The following TMEM123 variants were observed in gnomAD, a reference collection of about 807,000 sequenced individuals.
TMEM123 encodes the protein porimin.
TMEM123 carries 16 observed loss-of-function variants against 19.7 expected under a neutral mutation model. The ratio of observed to expected loss-of-function variants is 0.81; its 90% CI spans 0.55 to 1.23. TMEM123 has a LOEUF of 1.23. TMEM123 is among the 50% of genes most tolerant of loss of function. TMEM123 has a pLI of 0.00. For missense variants in TMEM123, 313 were observed against 257.8 expected (o/e 1.21, Z -1.47); for synonymous variants, 118 against 99.4 (o/e 1.19, Z -1.12).
At chr11:102,426,190 T>C (rs1326936971) in intron 2 of TMEM123, among the ~76,000 whole-genome samples, 1 of 152,214 alleles carries the variant, frequency 6.6e-6, no homozygotes, top group Non-Finnish European at 1.5e-5. Flanking sequence ...TTTGGCAGCT[T>C]TGCTTTTGAG....
intron 2 of TMEM123, among the ~76,000 whole-genome samples, chr11:102,437,680 GAGAGTGCACAGT>G (rs1251390548): frequency 6.6e-6 from 1 of 152,128 alleles, no homozygotes; most frequent in African/African-American, 2.4e-5. Context: ...CAGGGTGTAT[GAGAGTGCACAGT>G]GGTTTAGAAT....
At chr11:102,434,654 G>T (rs555972526) in intron 2 of TMEM123, among the ~76,000 whole-genome samples, 2 of 151,728 alleles carry the variant, frequency 1.3e-5, no homozygotes, top group Non-Finnish European at 1.5e-5. Context: ...AAATATCATT[G>T]CCCAGACCAA....
At chr11:102,425,496 T>C (rs1163458159) in intron 2 of TMEM123, among the ~76,000 whole-genome samples, 1 of 152,038 alleles carries the variant, frequency 6.6e-6, no homozygotes, top group Non-Finnish European at 1.5e-5. Context: ...TGTCTGTTTT[T>C]CGTTTGTCCA....
chr11:102,399,848 T>C (rs1251206673), intron 4 of TMEM123, among the ~76,000 whole-genome samples: 2 of 151,872 alleles, frequency 1.3e-5, no homozygotes, highest in Non-Finnish European at 2.9e-5. Context: ...TAGGCACCTA[T>C]AATCCCAGCT....
intron 4 of TMEM123, among the ~76,000 whole-genome samples, chr11:102,400,649 T>G (rs1951904485): frequency 6.6e-6 from 1 of 152,212 alleles, no homozygotes. Flanking sequence ...AGTGGGGCCT[T>G]GGGAAGGTAG....
At chr11:102,402,424 T>C (rs1478825010) in intron 2 of TMEM123, among the ~76,000 whole-genome samples, 11 of 151,386 alleles carry the variant, frequency 7.3e-5, no homozygotes, top group South Asian at 2.1e-4. Flanking sequence ...TATATAAAGT[T>C]AGAAATTTTG....
intron 2 of TMEM123, among the ~76,000 whole-genome samples, 183 bp from the exon 3 acceptor site, chr11:102,402,389 A>C (rs1308191565): frequency 1.3e-5 from 2 of 152,052 alleles, no homozygotes; most frequent in Non-Finnish European, 2.9e-5. Flanking sequence ...CTAGTAAAAG[A>C]CTCAACAGAA....
chr11:102,426,860 C>CCTG (rs1024188780), intron 2 of TMEM123, among the ~76,000 whole-genome samples: 1 of 7,202 alleles, frequency 1.4e-4, no homozygotes, highest in African/African-American at 4.2e-4. Context: ...TAAAGTAGTT[C>CCTG]CCCCCCCCCC....
intron 1 of TMEM123, 71 bp downstream of exon 1, chr11:102,452,453 A>G (rs140260677): frequency 0.014 from 18,658 of 1,299,224 alleles, 189 homozygotes; most frequent in South Asian, 0.024. Flanking sequence ...CCAGAGCCCA[A>G]CTTGGGAACC....
intron 3 of TMEM123, 57 bp from the exon 4 acceptor site, chr11:102,401,749 G>A (rs1951915303): frequency 6.7e-7 from 1 of 1,489,820 alleles, no homozygotes. Context: ...TTTTAACATT[G>A]TAATTAAAGC....
chr11:102,446,904 CTAAA>C (rs919283219), intron 2 of TMEM123, among the ~76,000 whole-genome samples: 13 of 152,214 alleles, frequency 8.5e-5, no homozygotes, highest in Middle Eastern at 3.4e-3. Context: ...AGAAACTGCA[CTAAA>C]TAAATAGCAC....
intron 2 of TMEM123, among the ~76,000 whole-genome samples, chr11:102,420,663 G>T (rs1012849966): frequency 2.0e-5 from 3 of 152,218 alleles, no homozygotes; most frequent in Non-Finnish European, 2.9e-5. Context: ...TAGGCTGCCA[G>T]TCACAAGGAG....
chr11:102,423,189 G>A (rs907956890), intron 2 of TMEM123, among the ~76,000 whole-genome samples: 1 of 152,188 alleles, frequency 6.6e-6, no homozygotes. Context: ...ACATGCAAAT[G>A]AATGAGATAC....
At chr11:102,448,440 CTGACTAGTTTACAG>C (rs1257047972) in intron 2 of TMEM123, 1 of 346,010 alleles carries the variant, frequency 2.9e-6, no homozygotes, top group African/African-American at 2.2e-5. Context: ...GCTGCCATGG[CTGACTAGTTTACAG>C]TGACTTGTTT....
At chr11:102,427,394 G>C (rs1952137881) in intron 2 of TMEM123, among the ~76,000 whole-genome samples, 1 of 151,154 alleles carries the variant, frequency 6.6e-6, no homozygotes, top group Non-Finnish European at 1.5e-5. Flanking sequence ...GGAGAAGGCA[G>C]AAGTGGAAGA....
At chr11:102,442,742 G>A (rs1213805462) in intron 2 of TMEM123, among the ~76,000 whole-genome samples, 1 of 152,180 alleles carries the variant, frequency 6.6e-6, no homozygotes, top group African/African-American at 2.4e-5. Flanking sequence ...ATTAGGAAAA[G>A]AGGAAGTCAA....
At chr11:102,421,256 C>A (rs973465085) in intron 2 of TMEM123, among the ~76,000 whole-genome samples, 4 of 152,124 alleles carry the variant, frequency 2.6e-5, no homozygotes, top group African/African-American at 9.7e-5. Context: ...ATAATAACAA[C>A]AACAACTTCT....
At chr11:102,420,100 ACTCTGT>A (rs925454254) in intron 2 of TMEM123, among the ~76,000 whole-genome samples, 3 of 152,092 alleles carry the variant, frequency 2.0e-5, no homozygotes, top group Admixed American at 6.5e-5. Context: ...GAGTTAAGAC[ACTCTGT>A]CTTAGAAACT....
At chr11:102,417,435 A>T (rs1260299890) in intron 2 of TMEM123, among the ~76,000 whole-genome samples, 1 of 152,226 alleles carries the variant, frequency 6.6e-6, no homozygotes, top group African/African-American at 2.4e-5. Context: ...ACAAATACCT[A>T]GGAATACAGT....
Sources: allele counts gnomAD v4.1 joint callset (sites outside exome capture counted in the v4.1 genomes callset), GRCh38; gene constraint gnomAD v4.1.1; transcripts MANE v1.5; gene names NCBI Gene and HGNC (gene_info 2026-07-23, HGNC 2026-07-21).